Variants in ARL5A observed in about 807,000 individuals in gnomAD.
ARL5A encodes ADP-ribosylation factor-like protein 5A.
ARL5A carries 18 observed loss-of-function variants against 25.9 expected under a neutral mutation model. The observed-to-expected ratio is 0.69, with a 90% confidence interval of 0.48 to 1.03. The LOEUF is 1.03. Ranked by LOEUF, ARL5A falls within the 50% of genes least tolerant of loss-of-function variation. The pLI is 0.00. For synonymous variants in ARL5A, 61 were observed against 67.5 expected, an observed-to-expected ratio of 0.90 and a Z score of 0.47; for missense variants, 170 against 211.9, an observed-to-expected ratio of 0.80 and a Z score of 1.23.
chr2:151,815,603 T>C (rs2099831400), intron 1 of ARL5A, among the ~76,000 whole-genome samples: 1 of 152,230 alleles, frequency 6.6e-6, no homozygotes, highest in African/African-American at 2.4e-5. Flanking sequence ...ACTGGGTGCA[T>C]GTGTGTGGAG....
rs2099831202 is a variant in ARL5A, at chr2:151,814,197, G to A, written c.227C>T (p.Ser76Phe). The A allele has an allele frequency of 3.1e-6, 5 of 1,605,432 alleles. No homozygotes were observed. The highest frequency in any genetic ancestry group is 4.2e-6 in the Non-Finnish European group (5 of 1,177,552). ...TGTGTTAGTATAGTAAGTGTTCCAG[G>A]AAGAACGAAGAGATTCTTGGCCACC... ...DIGGQESLRS[S>F]WNTYYTNTEF... The change falls in exon 3 of 6, where the codon TCC (serine) becomes TTC (phenylalanine). Residue 76 changes from serine (S) to phenylalanine (F), a missense_variant. Physicochemically the swap from Ser to Phe is radical, Grantham distance 155. Coordinates refer to ENST00000295087, the MANE Select transcript of ARL5A (RefSeq NM_012097.4).
chr2:151,814,333 A>G lies in ARL5A; in HGVS notation c.108-17T>C, dbSNP rs529620936. ...TTCATAGAACTGGGGAAAAAAGTTT[A>G]TATACATTACAATTAGCAAGGAAGC... is the stretch of plus-strand genomic sequence containing the variant. On this transcript the variant is annotated splice_polypyrimidine_tract_variant and intron_variant, in intron 2 of 5. Coordinates refer to ENST00000295087, the MANE Select transcript of ARL5A (RefSeq NM_012097.4). The G allele has an allele frequency of 2.6e-5, 39 of 1,483,462 alleles. 1 individual carries two copies. In the South Asian group the frequency reaches 5.0e-4, roughly 19 times the overall value. The allele number at this position is 1,483,462 out of a possible 1,614,324, so 91.9% of individuals were successfully genotyped here. A position where few individuals can be genotyped will look rare whatever the true frequency, so the allele number is the denominator to read the frequency against.
At chr2:151,805,287 C>T (rs1376372010) in intron 5 of ARL5A, among the ~76,000 whole-genome samples, 1 of 151,696 alleles carries the variant, frequency 6.6e-6, no homozygotes, top group Non-Finnish European at 1.5e-5. Context: ...AGTAACAGTG[C>T]CTTCTATTAA....
chr2:151,808,071 A>G (rs889120349), intron 4 of ARL5A, among the ~76,000 whole-genome samples: 4 of 152,204 alleles, frequency 2.6e-5, no homozygotes, highest in African/African-American at 9.6e-5. Context: ...ATATGCATAT[A>G]CACAAAATTT....
rs771932734 is a variant in ARL5A, at chr2:151,806,865, A to G, written c.447T>C (p.Asp149=). 3 of 1,613,516 alleles carry G rather than the reference A, an allele frequency of 1.9e-6. No individual in the cohort carries two copies. The South Asian group carries it at 3.3e-5, about 18-fold the overall frequency. ...AGCATGCCTGGATATGCCACTGGTG[A>G]TCTTTAATAGAAGTTAGCTTCAAAA... The part of the protein sequence containing the change: ...SQFLKLTSIK[D]HQWHIQACCA... Residue 149 remains aspartate (D), a synonymous_variant, in exon 5 of 6, where the codon GAT becomes GAC. Coordinates refer to ENST00000295087, the MANE Select transcript of ARL5A (RefSeq NM_012097.4).
intron 1 of ARL5A, among the ~76,000 whole-genome samples, chr2:151,819,416 T>C (rs2099831949): frequency 6.6e-6 from 1 of 152,242 alleles, no homozygotes; most frequent in South Asian, 2.1e-4. Context: ...AGCCACCTCG[T>C]ATCATCTTGG....
At chr2:151,819,470 G>C (rs2099831965) in intron 1 of ARL5A, among the ~76,000 whole-genome samples, 3 of 151,818 alleles carry the variant, frequency 2.0e-5, no homozygotes, top group Non-Finnish European at 4.4e-5. Flanking sequence ...TTTTTTTTTT[G>C]TTAAGTGAAA....
At chr2:151,809,024 G>A (rs2099830481) in intron 4 of ARL5A, among the ~76,000 whole-genome samples, 1 of 152,122 alleles carries the variant, frequency 6.6e-6, no homozygotes, top group Non-Finnish European at 1.5e-5. Flanking sequence ...CTCCAGCCTG[G>A]GCAACAGAGT....
At chr2:151,822,543 T>C (rs1231832406) in intron 1 of ARL5A, among the ~76,000 whole-genome samples, 4 of 152,238 alleles carry the variant, frequency 2.6e-5, no homozygotes, top group African/African-American at 7.2e-5. Flanking sequence ...AAAGCATCTA[T>C]ACAAAATGTA....
chr2:151,828,014 G>A, intron 1 of ARL5A, 117 bp downstream of exon 1: 1 of 1,115,892 alleles, frequency 9.0e-7, no homozygotes, highest in Non-Finnish European at 1.3e-6. Context: ...CCTGCACCCC[G>A]CGCTGAGCTG....
chr2:151,815,636 G>C (rs2099831406), intron 1 of ARL5A, among the ~76,000 whole-genome samples: 1 of 152,124 alleles, frequency 6.6e-6, no homozygotes, highest in South Asian at 2.1e-4. Flanking sequence ...GAAGGAAAAA[G>C]GTCAGTTTTT....
At chr2:151,822,347 GAC>G (rs1291572961) in intron 1 of ARL5A, among the ~76,000 whole-genome samples, 2 of 152,146 alleles carry the variant, frequency 1.3e-5, no homozygotes, top group Non-Finnish European at 2.9e-5. Context: ...CTAAATCTAA[GAC>G]ATAGCATGTG....
At chr2:151,822,838 T>C (rs2099832526) in intron 1 of ARL5A, among the ~76,000 whole-genome samples, 1 of 152,230 alleles carries the variant, frequency 6.6e-6, no homozygotes, top group South Asian at 2.1e-4. Flanking sequence ...TACCAATCAA[T>C]ACTTTACTGT....
intron 1 of ARL5A, among the ~76,000 whole-genome samples, chr2:151,821,419 C>CA (rs1402454673): frequency 1.3e-5 from 2 of 151,968 alleles, no homozygotes; most frequent in African/African-American, 4.8e-5. Context: ...GGAAAATATC[C>CA]AAAAAAACCA....
intron 4 of ARL5A, among the ~76,000 whole-genome samples, chr2:151,807,443 A>ATGTATT (rs2099830241): frequency 6.6e-6 from 1 of 152,154 alleles, no homozygotes; most frequent in Admixed American, 6.6e-5. Context: ...TTTCTCTTGC[A>ATGTATT]TGTATTTCCT....
intron 1 of ARL5A, among the ~76,000 whole-genome samples, chr2:151,820,906 G>A (rs2099832218): frequency 6.6e-6 from 1 of 152,140 alleles, no homozygotes; most frequent in Non-Finnish European, 1.5e-5. Context: ...CTATGAACAA[G>A]AGGAGAGAAA....
At chr2:151,817,157 C>T (rs891636045) in intron 1 of ARL5A, among the ~76,000 whole-genome samples, 1 of 152,176 alleles carries the variant, frequency 6.6e-6, no homozygotes, top group Admixed American at 6.5e-5. Context: ...CACTAAATGT[C>T]GGAATTATCC....
In ARL5A at chr2:151,828,263, G is replaced by A. The variant is rs2099833366; in HGVS notation, c.-87C>T. 2 of 1,231,524 alleles carry A rather than the reference G, an allele frequency of 1.6e-6. No individual in the cohort carries two copies. Among genetic ancestry groups the A allele is most frequent in the Admixed American group, 2.1e-5 (1 of 48,358 alleles). The allele number at this position is 1,231,524 out of a possible 1,614,324, so 76.3% of individuals were successfully genotyped here. ...CTGAGGGGGAGGAGAGAGACGCGCTGGAGCCTCCGCCTCTGCTGCTGCTCC... is the reference window on the plus strand; with the variant it reads ...CTGAGGGGGAGGAGAGAGACGCGCTAGAGCCTCCGCCTCTGCTGCTGCTCC... On this transcript the variant is annotated 5_prime_UTR_variant, in exon 1 of 6. Transcript: ENST00000295087.
chr2:151,823,274 G>C (rs966179988), intron 1 of ARL5A, among the ~76,000 whole-genome samples: 1 of 152,174 alleles, frequency 6.6e-6, no homozygotes, highest in Non-Finnish European at 1.5e-5. Context: ...GGTTAGGAGA[G>C]AGATATCTGC....
Sources: gnomAD v4.1 joint callset for allele counts (sites outside exome capture counted in the v4.1 genomes callset) on GRCh38, gnomAD v4.1.1 for gene constraint, MANE v1.5 for transcripts, NCBI Gene and HGNC (gene_info 2026-07-23, HGNC 2026-07-21) for gene names.